NELL2: variants seen among roughly 807,000 people sequenced by gnomAD.
NELL2 encodes neural EGFL like 2.
Under a neutral mutation model 109.6 loss-of-function variants are expected in NELL2, and 41 were observed. The observed-to-expected ratio is 0.37, with a 90% CI of 0.29 to 0.49. The LOEUF (loss-of-function observed/expected upper bound fraction) is 0.49, where lower values mean the gene tolerates loss of function less well. NELL2 is among the 20% of genes least tolerant of loss of function. NELL2 has a pLI of 0.98. For missense variants in NELL2, 900 were observed against 1,008.3 expected, an observed-to-expected ratio of 0.89 and a Z score of 1.45; for synonymous variants, 355 against 344.7, an observed-to-expected ratio of 1.03 and a Z score of -0.33.
rs528175231 is a variant in NELL2 at position 44,849,381 on chromosome 12, A to T, written c.184+25844T>A. ...TCTCATTTTTAGAACAACTAAATGG[A>T]CAGTTCACAAATAGAAAATATATAA... On this transcript the variant is annotated intron_variant, in intron 2 of 19. Transcript: ENST00000429094. Among the ~76,000 whole-genome samples, 205 of 152,298 alleles carry T rather than the reference A, an allele frequency of 1.3e-3. 1 individual carries two copies. Among genetic ancestry groups the T allele is most frequent in the African/African-American group, 4.7e-3 (197 of 41,576 alleles).
intron 3 of NELL2, among the ~76,000 whole-genome samples, chr12:44,807,726 A>T (rs1943049117): frequency 6.6e-6 from 1 of 152,060 alleles, no homozygotes; most frequent in Non-Finnish European, 1.5e-5. Flanking sequence ...GATCATTAAA[A>T]GTTACATGGG....
Position 44,775,875 on chromosome 12 carries a change from T to C in NELL2, c.891+147A>G. The C allele has an allele frequency of 5.0e-6, 4 of 799,982 alleles. No individual in the cohort carries two copies. In the African/African-American group the frequency reaches 5.2e-5, roughly 10 times the overall value. The allele number at this position is 799,982 out of a possible 1,614,324, so 49.6% of individuals were successfully genotyped here. A position where few individuals can be genotyped will look rare whatever the true frequency, so the allele number is the denominator to read the frequency against. On this transcript the variant is annotated intron_variant, in intron 8 of 19. Transcript: ENST00000429094. Reference sequence around the variant, plus strand: ...TGTTTTTAATAATGCAACACAGTTCTTTAGATATGACCAGGTTTGTTGACA... The same window carrying C: ...TGTTTTTAATAATGCAACACAGTTCCTTAGATATGACCAGGTTTGTTGACA...
intron 15 of NELL2, among the ~76,000 whole-genome samples, chr12:44,545,298 A>G (rs763558338): frequency 2.6e-5 from 4 of 152,106 alleles, no homozygotes; most frequent in Admixed American, 6.6e-5. Flanking sequence ...ATTCATGTTA[A>G]GTATTTGAAA....
chr12:44,843,686 C>T (rs1944291677), intron 2 of NELL2, among the ~76,000 whole-genome samples: 1 of 152,052 alleles, frequency 6.6e-6, no homozygotes, highest in Non-Finnish European at 1.5e-5. Flanking sequence ...ATTAAGGTAC[C>T]AGCAGGTTTG....
At chr12:44,772,295 A>G (rs1295580086) in intron 9 of NELL2, among the ~76,000 whole-genome samples, 2 of 152,230 alleles carry the variant, frequency 1.3e-5, no homozygotes, top group Non-Finnish European at 2.9e-5. Context: ...ACAAACACAC[A>G]TACAAGACAT....
rs566637070 is a variant in NELL2, at chr12:44,643,574, G to T, written c.1444+21910C>A. Among the ~76,000 whole-genome samples, 21 of 152,116 alleles carry T rather than the reference G, an allele frequency of 1.4e-4. No individual in the cohort carries two copies. In the East Asian group the frequency reaches 3.3e-3, roughly 24 times the overall value. On this transcript the variant is annotated intron_variant, in intron 13 of 19. Coordinates refer to ENST00000429094, the MANE Select transcript of NELL2 (RefSeq NM_001145108.2). ...TGGGGGATTTTAATTTTCTTCTTTG[G>T]CCTCCTCTGTTTTCACCATATCCTG...
chr12:44,539,244 C>A (rs576555437), intron 15 of NELL2, among the ~76,000 whole-genome samples: 1 of 151,932 alleles, frequency 6.6e-6, no homozygotes, highest in Admixed American at 6.6e-5. Context: ...GTTTTTCTCC[C>A]CTGTTCAAAA....
At chr12:44,818,733 T>A (rs1274573948) in intron 2 of NELL2, among the ~76,000 whole-genome samples, 9 of 100,072 alleles carry the variant, frequency 9.0e-5, no homozygotes, top group Admixed American at 2.0e-4. Context: ...TTATTTTTTT[T>A]TTTTTATTTT....
upstream of NELL2, chr12:44,914,101 T>C (rs1438274043): frequency 5.3e-6 from 1 of 187,390 alleles, no homozygotes; most frequent in African/African-American, 2.3e-5. Context: ...GCTATCATCA[T>C]TCCCTTCAGT....
chr12:44,654,627 T>G (rs985100637), intron 13 of NELL2, among the ~76,000 whole-genome samples: 1 of 152,126 alleles, frequency 6.6e-6, no homozygotes, highest in South Asian at 2.1e-4. Context: ...GGAAACACTC[T>G]TCAAGCAGTC....
chr12:44,525,160 G>A (rs985558392), intron 16 of NELL2, among the ~76,000 whole-genome samples: 1 of 152,126 alleles, frequency 6.6e-6, no homozygotes, highest in African/African-American at 2.4e-5. Flanking sequence ...GGCAATGGCC[G>A]AATTTTTGCA....
chr12:44,590,528 C>T (rs1009408642), intron 15 of NELL2, among the ~76,000 whole-genome samples: 10 of 152,066 alleles, frequency 6.6e-5, no homozygotes, highest in Admixed American at 4.6e-4. Flanking sequence ...ATAGTTATTT[C>T]GTTTATCTAG....
chr12:44,724,427 G>A (rs59740561), intron 9 of NELL2, among the ~76,000 whole-genome samples: 4,118 of 151,978 alleles, frequency 0.027, 186 homozygotes, highest in African/African-American at 0.093. Flanking sequence ...CAAAATCAGT[G>A]TACAAAAATC....
In NELL2 at chr12:44,607,257, G is replaced by A; in HGVS notation, c.1575C>T (p.Cys525=). The change falls in exon 15 of 20, where the codon TGC becomes TGT. Residue 525 remains cysteine, a synonymous_variant. Transcript: ENST00000429094. Reference sequence around the variant, plus strand: ...CTCCTCCATTCCTACAGCCATCTTTGCAAAATGCTAAAATAATTCAGATAC... The same window carrying A: ...CTCCTCCATTCCTACAGCCATCTTTACAAAATGCTAAAATAATTCAGATAC... ...TGNGTTCKAF[C]KDGCRNGGAC... 1 of 1,611,222 alleles carries A rather than the reference G, an allele frequency of 6.2e-7. No homozygotes were observed. Among genetic ancestry groups the A allele is most frequent in the Non-Finnish European group, 8.5e-7 (1 of 1,178,538 alleles).
intron 13 of NELL2, among the ~76,000 whole-genome samples, chr12:44,650,525 C>A (rs1947264079): frequency 6.6e-6 from 1 of 152,138 alleles, no homozygotes; most frequent in South Asian, 2.1e-4. Flanking sequence ...GAACCCCTGA[C>A]CTCAAGTGAT....
chr12:44,654,239 A>T (rs1258138442), intron 13 of NELL2, among the ~76,000 whole-genome samples: 2 of 152,204 alleles, frequency 1.3e-5, no homozygotes, highest in African/African-American at 4.8e-5. Flanking sequence ...CTCTGGTGTA[A>T]AGAAAAGTAA....
At chr12:44,653,935 A>C (rs924999742) in intron 13 of NELL2, among the ~76,000 whole-genome samples, 37 of 152,102 alleles carry the variant, frequency 2.4e-4, no homozygotes, top group African/African-American at 8.9e-4. Context: ...TTCACACTAA[A>C]CTTGCTATTA....
intron 9 of NELL2, among the ~76,000 whole-genome samples, chr12:44,742,287 A>G (rs1940026224): frequency 6.6e-6 from 1 of 152,228 alleles, no homozygotes; most frequent in African/African-American, 2.4e-5. Context: ...CAGAAAGGAC[A>G]TCCACACCAA....
At chr12:44,596,126 T>C (rs190453828) in intron 15 of NELL2, among the ~76,000 whole-genome samples, 1 of 152,218 alleles carries the variant, frequency 6.6e-6, no homozygotes, top group Non-Finnish European at 1.5e-5. Context: ...TCTGTGCATT[T>C]TGACAGTCAG....
Sources: gnomAD v4.1 joint callset for allele counts (sites outside exome capture counted in the v4.1 genomes callset) on GRCh38, gnomAD v4.1.1 for gene constraint, MANE v1.5 for transcripts, NCBI Gene and HGNC (gene_info 2026-07-23, HGNC 2026-07-21) for gene names.